OR6C1: variants seen among roughly 807,000 people sequenced by gnomAD.
OR6C1 encodes olfactory receptor 6C1.
For synonymous variants in OR6C1, 157 were observed against 133.3 expected, an observed-to-expected ratio of 1.18 and a Z score of -1.22; for missense variants, 386 against 366.1, an observed-to-expected ratio of 1.05 and a Z score of -0.44.
Position 55,321,283 on chromosome 12 carries a change from T to C in OR6C1, c.684T>C (p.Ser228=), listed in dbSNP as rs1822251721. 9.9e-6 allele frequency: 16 copies of C among 1,613,392 alleles called. No individual in the cohort carries two copies. The highest frequency in any genetic ancestry group is 1.3e-5 in the African/African-American group (1 of 74,926). Residue 228 remains serine, a synonymous_variant, in exon 2 of 2, where the codon TCT becomes TCC. Coordinates refer to ENST00000642104, the MANE Select transcript of OR6C1 (RefSeq NM_001005182.2). ...YIIRTILRIP[S]TSQRTKAFST... is the part of the protein sequence containing the mutation. ...TCAGAACAATTTTGAGAATTCCTTC[T>C]ACTAGTCAGAGGACAAAGGCCTTTT...
At chr12:55,317,735 A>G (rs1277252071) in intron 1 of OR6C1, among the ~76,000 whole-genome samples, 1 of 151,910 alleles carries the variant, frequency 6.6e-6, no homozygotes, top group African/African-American at 2.4e-5. Context: ...TGCACAGAGT[A>G]ACAGAGGAGT....
chr12:55,315,380 T>C (rs1868392346), intron 1 of OR6C1, among the ~76,000 whole-genome samples: 2 of 151,748 alleles, frequency 1.3e-5, no homozygotes, highest in Admixed American at 6.6e-5. Flanking sequence ...TTAATTTATG[T>C]CCTTTTCCTA....
Position 55,321,136 on chromosome 12 carries a change from T to C in OR6C1, c.537T>C (p.Tyr179=). The change falls in exon 2 of 2, where the codon TAT becomes TAC. Residue 179 remains tyrosine (Y), a synonymous_variant. Transcript: ENST00000642104. ...TTATTGACCATTTTACCTGTGATTATTTTCCACTGCTGCAACTTGCTTGTT... is the reference window on the plus strand; with the variant it reads ...TTATTGACCATTTTACCTGTGATTACTTTCCACTGCTGCAACTTGCTTGTT... The part of the protein sequence containing the change: ...SNIIDHFTCD[Y]FPLLQLACSD... 6.2e-7 allele frequency: 1 copy of C among 1,614,004 alleles called. No individual in the cohort carries two copies. The highest frequency in any genetic ancestry group is 8.5e-7 in the Non-Finnish European group (1 of 1,179,922).
Position 55,320,730 on chromosome 12 carries a change from T to C in OR6C1, c.131T>C (p.Ile44Thr). 1.2e-6 allele frequency: 2 copies of C among 1,614,032 alleles called. No homozygotes were observed. Among genetic ancestry groups the C allele is most frequent in the South Asian group, 2.2e-5 (2 of 91,074 alleles). Residue 44 changes from isoleucine to threonine, a missense_variant, in exon 2 of 2, where the codon ATC becomes ACC. Ile to Thr is a moderately conservative substitution (Grantham distance 89). Transcript: ENST00000642104. Reference sequence around the variant, plus strand: ...AGCATCACTGGGAACCTGACCCTTATCACAATTACCCTGCTGGATTCCCAC... The same window carrying C: ...AGCATCACTGGGAACCTGACCCTTACCACAATTACCCTGCTGGATTCCCAC... Reference protein sequence around the residue: ...MLSITGNLTLITITLLDSHLQ... With the variant: ...MLSITGNLTLTTITLLDSHLQ...
Position 55,321,579 on chromosome 12 carries a change from A to G in OR6C1, c.*41A>G, listed in dbSNP as rs908050147. The G allele has an allele frequency of 1.4e-6, 2 of 1,387,060 alleles. No individual in the cohort carries two copies. Among genetic ancestry groups the G allele is most frequent in the Non-Finnish European group, 2.0e-6 (2 of 1,017,148 alleles). 85.9% of individuals were successfully genotyped at this position (1,387,060 alleles called of 1,614,324 possible). ...TGAATTAGAGGCACAGGAAAGGACA[A>G]TATGAATTTTCAGTAGCTTCTTCAA... is the stretch of plus-strand genomic sequence containing the variant. On this transcript the variant is annotated 3_prime_UTR_variant, in exon 2 of 2. Transcript: ENST00000642104.
At chr12:55,320,493 A>C in intron 1 of OR6C1, 74 bp from the exon 2 acceptor site, 1 of 685,870 alleles carries the variant, frequency 1.5e-6, no homozygotes, top group Non-Finnish European at 2.5e-6. Context: ...TATGTCAACC[A>C]AACTCCAGCT....
intron 1 of OR6C1, among the ~76,000 whole-genome samples, chr12:55,318,028 TACAC>T (rs993531535): frequency 3.3e-5 from 5 of 150,432 alleles, no homozygotes; most frequent in Middle Eastern, 7.0e-3. Context: ...CACACATATA[TACAC>T]ACACATAAAT....
chr12:55,318,346 T>A (rs1416549282), intron 1 of OR6C1, among the ~76,000 whole-genome samples: 1 of 151,498 alleles, frequency 6.6e-6, no homozygotes, highest in African/African-American at 2.4e-5. Context: ...AGAGCAAAGA[T>A]TTACTTGCCT....
rs367992222 is a variant in OR6C1 at position 55,321,520 on chromosome 12, A to C, written c.921A>C (p.Val307=). The C allele has an allele frequency of 6.2e-7, 1 of 1,610,394 alleles. No individual in the cohort carries two copies. Among genetic ancestry groups the C allele is most frequent in the East Asian group, 2.2e-5 (1 of 44,846 alleles). ...QAFINMARKT[V]FFTST is the part of the protein sequence containing the mutation. ...TCATTAACATGGCAAGGAAGACTGT[A>C]TTTTTCACAAGCACATGAAATGGTA... is the stretch of plus-strand genomic sequence containing the variant. Residue 307 remains valine (V), a synonymous_variant, in exon 2 of 2, where the codon GTA becomes GTC. Transcript: ENST00000642104.
rs536229311 is a variant in OR6C1 at position 55,321,314 on chromosome 12, T to C, written c.715T>C (p.Cys239Arg). The stretch of plus-strand genomic sequence containing the variant: ...TCAGAGGACAAAGGCCTTTTCCACA[T>C]GTTCTTCCCACATGGTTGTTGTCTC... ...TSQRTKAFST[C>R]SSHMVVVSIS... Residue 239 changes from cysteine (C) to arginine (R), a missense_variant, in exon 2 of 2, where the codon TGT becomes CGT. Cys to Arg is a radical substitution (Grantham distance 180). Transcript: ENST00000642104. The C allele has an allele frequency of 5.6e-6, 9 of 1,613,522 alleles. No homozygotes were observed. In the South Asian group the frequency reaches 7.7e-5, roughly 14 times the overall value.
In OR6C1 at chr12:55,320,799, T is replaced by C; in HGVS notation, c.200T>C (p.Leu67Ser). ...MYFFLRNFSI[L>S]EISFTTVSIP... is the part of the protein sequence containing the mutation. ...TTCTTCCTCAGAAATTTCTCCATAT[T>C]AGAAATTTCGTTCACAACCGTCAGT... Residue 67 changes from leucine to serine, a missense_variant, in exon 2 of 2, where the codon TTA (leucine) becomes TCA (serine). By Grantham distance (145) the Leu-to-Ser change is moderately radical. Transcript: ENST00000642104. 1 of 1,613,886 alleles carries C rather than the reference T, an allele frequency of 6.2e-7. No individual in the cohort carries two copies. Among genetic ancestry groups the C allele is most frequent in the Non-Finnish European group, 8.5e-7 (1 of 1,179,878 alleles).
chr12:55,314,919 T>G (rs530512772), intron 1 of OR6C1, among the ~76,000 whole-genome samples: 1 of 151,644 alleles, frequency 6.6e-6, no homozygotes, highest in Non-Finnish European at 1.5e-5. Flanking sequence ...ATAATTTCTC[T>G]GAGCCTCAGC....
intron 1 of OR6C1, among the ~76,000 whole-genome samples, chr12:55,319,017 CTT>C (rs1868469822): frequency 6.6e-6 from 1 of 152,060 alleles, no homozygotes; most frequent in Non-Finnish European, 1.5e-5. Context: ...TCTATCATCT[CTT>C]TAACTGAGGG....
chr12:55,321,160 T>C lies in OR6C1; in HGVS notation c.561T>C (p.Cys187=), dbSNP rs1326415107. 1 of 1,614,038 alleles carries C rather than the reference T, an allele frequency of 6.2e-7. No homozygotes were observed. The highest frequency in any genetic ancestry group is 1.7e-5 in the Admixed American group (1 of 60,008). ...ATTTTCCACTGCTGCAACTTGCTTG[T>C]TCAGACACAAAATTCTTAGAGGTGA... ...CDYFPLLQLA[C]SDTKFLEVMG... Residue 187 remains cysteine, a synonymous_variant, in exon 2 of 2, where the codon TGT becomes TGC. Transcript: ENST00000642104.
Position 55,321,215 on chromosome 12 carries a change from A to T in OR6C1, c.616A>T (p.Met206Leu). The T allele has an allele frequency of 1.9e-6, 3 of 1,613,948 alleles. No individual in the cohort carries two copies. The highest frequency in any genetic ancestry group is 2.5e-6 in the Non-Finnish European group (3 of 1,179,878). The change falls in exon 2 of 2, where the codon ATG (methionine) becomes TTG (leucine). Residue 206 changes from methionine to leucine, a missense_variant. Met to Leu is a conservative substitution (Grantham distance 15, BLOSUM62 2). Coordinates refer to ENST00000642104, the MANE Select transcript of OR6C1 (RefSeq NM_001005182.2). ...ATTTTCTTGTGCTGCGTTTACTCTA[A>T]TGTTCACTTTGGCATTAATATTTCT... The part of the protein sequence containing the change: ...MGFSCAAFTL[M>L]FTLALIFLSY...
intron 1 of OR6C1, among the ~76,000 whole-genome samples, chr12:55,319,374 A>G (rs947308583): frequency 8.5e-5 from 13 of 152,224 alleles, no homozygotes; most frequent in African/African-American, 2.9e-4. Flanking sequence ...ACAGAGACAA[A>G]TCTCTAAAAT....
intron 1 of OR6C1, among the ~76,000 whole-genome samples, chr12:55,319,876 C>T (rs1176827557): frequency 6.6e-6 from 1 of 152,142 alleles, no homozygotes; most frequent in Non-Finnish European, 1.5e-5. Context: ...TGCAGTGGCT[C>T]ATGCCTGTAA....
intron 1 of OR6C1, among the ~76,000 whole-genome samples, chr12:55,318,194 G>T (rs2120442955): frequency 6.6e-6 from 1 of 150,814 alleles, no homozygotes; most frequent in African/African-American, 2.4e-5. Context: ...ACATCACAGT[G>T]ATCAAATCCT....
At chr12:55,319,899 G>C (rs1043136041) in intron 1 of OR6C1, among the ~76,000 whole-genome samples, 2 of 152,148 alleles carry the variant, frequency 1.3e-5, no homozygotes, top group African/African-American at 4.8e-5. Context: ...CCAGCACTTT[G>C]GGAGGCCAAG....
Sources: gnomAD v4.1 joint callset for allele counts (sites outside exome capture counted in the v4.1 genomes callset) on GRCh38, gnomAD v4.1.1 for gene constraint, MANE v1.5 for transcripts, NCBI Gene and HGNC (gene_info 2026-07-23, HGNC 2026-07-21) for gene names.